The following RCC1L variants were observed in gnomAD, a reference collection of about 807,000 sequenced individuals.
The protein encoded by RCC1L is RCC1-like G exchanging factor-like protein.
Under a neutral mutation model 58.6 loss-of-function variants are expected in RCC1L, and 46 were observed. That is an observed-to-expected ratio of 0.79 (90% CI 0.62 to 1.00). RCC1L has a LOEUF of 1.00. Ranked by LOEUF, RCC1L falls within the 50% of genes least tolerant of loss-of-function variation. The probability of loss-of-function intolerance (pLI) is 0.00; values close to 1 mark genes in which losing one functional copy is unlikely to be tolerated. For missense variants in RCC1L, 636 were observed against 623.6 expected, an observed-to-expected ratio of 1.02 and a Z score of -0.21; for synonymous variants, 281 against 262.9, an observed-to-expected ratio of 1.07 and a Z score of -0.67.
intron 1 of RCC1L, among the ~76,000 whole-genome samples, chr7:75,072,167 T>TATAC (rs1806775292): frequency 7.8e-5 from 5 of 64,222 alleles, no homozygotes; most frequent in Admixed American, 3.6e-4. Context: ...TATACATATA[T>TATAC]ATATATATAT....
chr7:75,034,245 G>T (rs1805385224), intron 10 of RCC1L, among the ~76,000 whole-genome samples: 1 of 152,204 alleles, frequency 6.6e-6, no homozygotes, highest in Non-Finnish European at 1.5e-5. Flanking sequence ...GCTGGGCGTG[G>T]TGGCTTACAC....
chr7:75,064,928 C>G (rs1206961385), intron 3 of RCC1L, among the ~76,000 whole-genome samples: 1 of 152,096 alleles, frequency 6.6e-6, no homozygotes, highest in Non-Finnish European at 1.5e-5. Flanking sequence ...ACCAGGCTGC[C>G]CTTAACACCA....
chr7:75,044,885 G>A (rs2131978794), intron 10 of RCC1L, among the ~76,000 whole-genome samples: 1 of 152,106 alleles, frequency 6.6e-6, no homozygotes, highest in East Asian at 1.9e-4. Flanking sequence ...AGCTGGGCAT[G>A]GTGGCAGGCG....
Position 75,073,525 on chromosome 7 carries a change from C to A in RCC1L, c.213G>T (p.Ala71=). 3 of 1,459,970 alleles carry A rather than the reference C, an allele frequency of 2.1e-6. No homozygotes were observed. Among genetic ancestry groups the A allele is most frequent in the Admixed American group, 2.9e-5 (1 of 33,916 alleles). The allele number at this position is 1,459,970 out of a possible 1,614,324, so 90.4% of individuals were successfully genotyped here. ...VFVWGFSFSG[A]LGVPSFVVPS... ...GCACCACAAAGGAAGGCACGCCCAG[C>A]GCCCCCGAGAAGCTGAAGCCCCACA... Residue 71 remains alanine, a synonymous_variant, in exon 1 of 11, where the codon GCG becomes GCT. Transcript: ENST00000610322.
chr7:75,064,571 T>C lies in RCC1L; in HGVS notation c.650+11A>G, dbSNP rs1806393478. 1 of 1,613,814 alleles carries C rather than the reference T, an allele frequency of 6.2e-7. No homozygotes were observed. The highest frequency in any genetic ancestry group is 8.5e-7 in the Non-Finnish European group (1 of 1,179,788). ...TCAACATGGGGAAGGGTAGGCCTTT[T>C]AGGAACTCACCTGTAAATTTCATTT... On this transcript the variant is annotated intron_variant, in intron 4 of 10. Transcript: ENST00000610322.
At chr7:75,054,387 G>A (rs1213835360) in intron 9 of RCC1L, among the ~76,000 whole-genome samples, 2 of 152,168 alleles carry the variant, frequency 1.3e-5, no homozygotes, top group African/African-American at 2.4e-5. Context: ...GGCCTGTTAA[G>A]TCTCGGGGAG....
At chr7:75,036,725 C>T (rs1484142175) in intron 10 of RCC1L, among the ~76,000 whole-genome samples, 2 of 152,032 alleles carry the variant, frequency 1.3e-5, no homozygotes, top group Non-Finnish European at 2.9e-5. Context: ...GAAACCCCGT[C>T]TCTACTAAAA....
At chr7:75,030,000 A>T (rs1805255172) in intron 10 of RCC1L, among the ~76,000 whole-genome samples, 1 of 152,182 alleles carries the variant, frequency 6.6e-6, no homozygotes, top group Non-Finnish European at 1.5e-5. Flanking sequence ...TCTACAAGAA[A>T]ATAACGAAAG....
chr7:75,042,761 T>C lies in RCC1L; in HGVS notation c.*271A>G, dbSNP rs1775255675. The C allele has an allele frequency of 2.1e-6, 3 of 1,396,250 alleles. No individual in the cohort carries two copies. The highest frequency in any genetic ancestry group is 2.8e-6 in the Non-Finnish European group (3 of 1,068,342). 86.5% of individuals were successfully genotyped at this position (1,396,250 alleles called of 1,614,324 possible). ...GACACCAGACACCGTCGCATGTTAC[T>C]TGGAGAGAACAGAGACGTGCGGGCC... is the stretch of plus-strand genomic sequence containing the variant. On this transcript the variant is annotated 3_prime_UTR_variant, in exon 11 of 11. Coordinates refer to ENST00000610322, the MANE Select transcript of RCC1L (RefSeq NM_030798.5).
chr7:75,059,184 T>G (rs1584498378), intron 6 of RCC1L, among the ~76,000 whole-genome samples: 1 of 95,878 alleles, frequency 1.0e-5, no homozygotes, highest in African/African-American at 4.7e-5. Flanking sequence ...AGAATGAGAC[T>G]CTCAAAAAAA....
At chr7:75,060,822 C>T (rs1215155417) in intron 6 of RCC1L, among the ~76,000 whole-genome samples, 1 of 152,192 alleles carries the variant, frequency 6.6e-6, no homozygotes, top group East Asian at 1.9e-4. Flanking sequence ...TGGCTCCTGC[C>T]TGGAATCCCA....
chr7:75,039,665 C>T (rs932917146), downstream of RCC1L, among the ~76,000 whole-genome samples: 4 of 152,248 alleles, frequency 2.6e-5, no homozygotes, highest in South Asian at 2.1e-4. Context: ...GGACACGCTA[C>T]GTCTTCCACC....
At chr7:75,052,842 C>T in intron 9 of RCC1L, 46 bp from the exon 10 acceptor site, 1 of 1,555,954 alleles carries the variant, frequency 6.4e-7, no homozygotes, top group African/African-American at 1.3e-5. Flanking sequence ...GTGTGAAGAA[C>T]AAGTCTCCAA....
Position 75,046,052 on chromosome 7 carries a change from C to T in RCC1L, c.1318-2943G>A, listed in dbSNP as rs891054541. 3.9e-5 allele frequency among the ~76,000 whole-genome samples: 6 copies of T among 152,382 alleles called. No homozygotes were observed. In the South Asian group the frequency reaches 1.2e-3, roughly 32 times the overall value. ...AATCCAGATGGCCTGGCCCTAAAAG[C>T]CGAGAGGCGGCAGGCGCCGACCCCG... On this transcript the variant is annotated intron_variant, in intron 10 of 10. Transcript: ENST00000610322.
intron 5 of RCC1L, 115 bp downstream of exon 5, chr7:75,063,177 A>C: frequency 1.7e-6 from 2 of 1,151,056 alleles, no homozygotes; most frequent in East Asian, 2.4e-5. Context: ...ATTTTTACTA[A>C]AATAATTTAA....
chr7:75,070,819 G>A (rs781933929), intron 1 of RCC1L, 50 bp from the exon 2 acceptor site: 66 of 1,606,592 alleles, frequency 4.1e-5, no homozygotes, highest in Non-Finnish European at 5.4e-5. Context: ...TGTCAAGTTT[G>A]TTCAGTAGTA....
At chr7:75,037,035 G>A (rs1037799264) in intron 10 of RCC1L, among the ~76,000 whole-genome samples, 1 of 152,158 alleles carries the variant, frequency 6.6e-6, no homozygotes, top group African/African-American at 2.4e-5. Flanking sequence ...GCATCCTTCC[G>A]ACTGGCGTGA....
At chr7:75,056,597 C>T (rs2131993180) in intron 8 of RCC1L, 1 of 1,534,598 alleles carries the variant, frequency 6.5e-7, no homozygotes, top group Non-Finnish European at 8.7e-7. Flanking sequence ...TCCCATCTGC[C>T]TTTGATTTTT....
chr7:75,040,548 G>T (rs1406390587), downstream of RCC1L, among the ~76,000 whole-genome samples: 1 of 151,972 alleles, frequency 6.6e-6, no homozygotes, highest in Non-Finnish European at 1.5e-5. Context: ...CTTCTCCAGA[G>T]ACCCTCCATC....
Sources: gnomAD v4.1 joint callset for allele counts (sites outside exome capture counted in the v4.1 genomes callset) on GRCh38, gnomAD v4.1.1 for gene constraint, MANE v1.5 for transcripts, NCBI Gene and HGNC (gene_info 2026-07-23, HGNC 2026-07-21) for gene names.